Variants in MTURN observed in about 807,000 individuals in gnomAD.
The protein encoded by MTURN is maturin, neural progenitor differentiation regulator homolog, also known as maturin.
In MTURN, 7 loss-of-function variants were observed where a neutral mutation model predicts 14.9. The ratio of observed to expected loss-of-function variants is 0.47; its 90% CI spans 0.27 to 0.88. The LOEUF (loss-of-function observed/expected upper bound fraction) is 0.88, where lower values mean the gene tolerates loss of function less well. Ranked by LOEUF, MTURN falls within the 40% of genes least tolerant of loss-of-function variation. The pLI is 0.14. For synonymous variants in MTURN, 69 were observed against 72.5 expected (o/e 0.95, Z 0.25); for missense variants, 151 against 174.1 (o/e 0.87, Z 0.75).
At position 30,161,000 on chromosome 7, in the gene MTURN, G is replaced by A. The variant is rs1797366059; in HGVS notation, c.*3452G>A. 1 of 152,592 alleles carries A rather than the reference G, an allele frequency of 6.6e-6. No individual in the cohort carries two copies. Among genetic ancestry groups the A allele is most frequent in the South Asian group, 2.1e-4 (1 of 4,836 alleles). The allele number at this position is 152,592 out of a possible 1,614,324, so 9.5% of individuals were successfully genotyped here. ...ACGAAAACCTCTCTCCTTTATAGTT[G>A]CTGTCATCTTTCATGTATAAACAGA... On this transcript the variant is annotated 3_prime_UTR_variant, in exon 3 of 3. Transcript: ENST00000324453.
At chr7:30,156,300 A>G (rs1344076673) in intron 2 of MTURN, among the ~76,000 whole-genome samples, 1 of 148,940 alleles carries the variant, frequency 6.7e-6, no homozygotes, top group Admixed American at 6.7e-5. Flanking sequence ...TAATCTCACA[A>G]TCTTAAAAAA....
intron 2 of MTURN, among the ~76,000 whole-genome samples, chr7:30,156,276 GA>G (rs1177914134): frequency 7.9e-5 from 12 of 151,818 alleles, no homozygotes; most frequent in Non-Finnish European, 1.8e-4. Context: ...AGATAAAAAG[GA>G]AAAAATTACC....
intron 2 of MTURN, among the ~76,000 whole-genome samples, chr7:30,148,274 C>A (rs1325886684): frequency 6.6e-6 from 1 of 152,178 alleles, no homozygotes; most frequent in Admixed American, 6.5e-5. Context: ...GTAGAGAGAG[C>A]AGCAGGTATG....
intron 2 of MTURN, among the ~76,000 whole-genome samples, chr7:30,148,579 G>A (rs1261795764): frequency 1.3e-5 from 2 of 152,242 alleles, no homozygotes; most frequent in Admixed American, 1.3e-4. Flanking sequence ...TGGTGGCCTG[G>A]ACTGGGACGG....
intron 1 of MTURN, among the ~76,000 whole-genome samples, 183 bp downstream of exon 1, chr7:30,135,481 C>A (rs946932914): frequency 2.6e-5 from 4 of 151,274 alleles, no homozygotes; most frequent in African/African-American, 9.7e-5. Context: ...GCTCCGCTGC[C>A]CGGGTGGGGC....
chr7:30,144,381 G>A (rs577944923), intron 1 of MTURN, among the ~76,000 whole-genome samples: 1 of 152,326 alleles, frequency 6.6e-6, no homozygotes, highest in East Asian at 1.9e-4. Context: ...AACTTTTGTT[G>A]TTCTTCCAGA....
intron 1 of MTURN, among the ~76,000 whole-genome samples, chr7:30,136,620 G>A (rs374810286): frequency 6.6e-6 from 1 of 152,078 alleles, no homozygotes; most frequent in East Asian, 1.9e-4. Flanking sequence ...ATGTATGCCT[G>A]GCCGATAAAG....
chr7:30,162,299 A>T lies in MTURN; in HGVS notation c.*4751A>T, dbSNP rs1396376180. The T allele has an allele frequency of 6.6e-6, 1 of 152,154 alleles. No individual in the cohort carries two copies. Among genetic ancestry groups the T allele is most frequent in the African/African-American group, 2.4e-5 (1 of 41,434 alleles). The allele number at this position is 152,154 out of a possible 1,614,324, so 9.4% of individuals were successfully genotyped here. A position where few individuals can be genotyped will look rare whatever the true frequency, so the allele number is the denominator to read the frequency against. On this transcript the variant is annotated 3_prime_UTR_variant, in exon 3 of 3. Transcript: ENST00000324453. The stretch of plus-strand genomic sequence containing the variant: ...CATTTTTTACTAAGCCCCTTCTGAC[A>T]CCTAGGCAGATAAAGATAAGAGTAG...
chr7:30,137,513 T>A, intron 1 of MTURN: 1 of 432,172 alleles, frequency 2.3e-6, no homozygotes, highest in Non-Finnish European at 4.9e-6. Flanking sequence ...ATGAGAAAAA[T>A]GCTTGAAAGT....
At chr7:30,144,437 C>T (rs1024830521) in intron 1 of MTURN, among the ~76,000 whole-genome samples, 2 of 152,210 alleles carry the variant, frequency 1.3e-5, no homozygotes, top group African/African-American at 4.8e-5. Flanking sequence ...TATACAAGTA[C>T]TTTGTACCAT....
At chr7:30,149,162 C>T (rs140431720) in intron 2 of MTURN, among the ~76,000 whole-genome samples, 2,912 of 152,272 alleles carry the variant, frequency 0.019, 50 homozygotes, top group Non-Finnish European at 0.033. Context: ...GAAACAAATG[C>T]GGTCCAAAAG....
intron 1 of MTURN, among the ~76,000 whole-genome samples, chr7:30,136,709 G>C (rs765622897): frequency 4.6e-5 from 7 of 152,200 alleles, no homozygotes; most frequent in Non-Finnish European, 1.0e-4. Context: ...TCCAGAAGAG[G>C]GATGGCCTTG....
At chr7:30,147,620 T>C (rs2128032116) in intron 2 of MTURN, among the ~76,000 whole-genome samples, 1 of 132,508 alleles carries the variant, frequency 7.5e-6, no homozygotes, top group South Asian at 2.3e-4. Flanking sequence ...AAAGCAGCTT[T>C]TTATGTTTGG....
At chr7:30,142,313 CA>C (rs1583503995) in intron 1 of MTURN, among the ~76,000 whole-genome samples, 1 of 152,104 alleles carries the variant, frequency 6.6e-6, no homozygotes, top group East Asian at 1.9e-4. Flanking sequence ...AAGAGTAGAC[CA>C]CTCAGGCCAG....
At chr7:30,147,250 G>A (rs1203836218) in intron 2 of MTURN, among the ~76,000 whole-genome samples, 1 of 152,164 alleles carries the variant, frequency 6.6e-6, no homozygotes, top group Non-Finnish European at 1.5e-5. Flanking sequence ...GATTATCTTT[G>A]TGTGCTAGTT....
In MTURN at chr7:30,135,038, G is replaced by T. The variant is rs1299368053; in HGVS notation, c.-99G>T. Reference sequence around the variant, plus strand: ...GCCGGCCCAGCCCGGCCCCGGAGGAGCCCGCGCAGGCCGAGCCGAGCGCCG... The same window carrying T: ...GCCGGCCCAGCCCGGCCCCGGAGGATCCCGCGCAGGCCGAGCCGAGCGCCG... On this transcript the variant is annotated 5_prime_UTR_variant, in exon 1 of 3. Transcript: ENST00000324453. 9.5e-6 allele frequency: 10 copies of T among 1,050,152 alleles called. No individual in the cohort carries two copies. Among genetic ancestry groups the T allele is most frequent in the South Asian group, 4.4e-5 (1 of 22,706 alleles). The allele number at this position is 1,050,152 out of a possible 1,614,324, so 65.1% of individuals were successfully genotyped here.
intron 1 of MTURN, chr7:30,137,575 G>A (rs1418277229): frequency 6.4e-6 from 3 of 470,924 alleles, no homozygotes; most frequent in Admixed American, 4.7e-5. Flanking sequence ...AGAGGATGGG[G>A]GTGGGCAGAT....
rs1797319169 is a variant in MTURN, at chr7:30,158,362, G to GC, written c.*816dup. ...TACCTTCTCTCTTTCTAATGAGATGGCCGCTTGTTAAATCATGAAAACATC... is the reference window on the plus strand; with the variant it reads ...TACCTTCTCTCTTTCTAATGAGATGGCCCGCTTGTTAAATCATGAAAACATC... On this transcript the variant is annotated 3_prime_UTR_variant, in exon 3 of 3. Transcript: ENST00000324453. The GC allele has an allele frequency of 6.6e-6, 1 of 152,590 alleles. No homozygotes were observed. The highest frequency in any genetic ancestry group is 1.5e-5 in the Non-Finnish European group (1 of 68,030). 9.5% of individuals were successfully genotyped at this position (152,590 alleles called of 1,614,324 possible).
In MTURN at chr7:30,142,244, A is replaced by C. The variant is rs185101594; in HGVS notation, c.163-3933A>C. ...ATAAACTCTGGCCTGACTTCACAGG[A>C]AGAAGGGTCGCAGATGGCCTATACT... On this transcript the variant is annotated intron_variant, in intron 1 of 2. Transcript: ENST00000324453. Among the ~76,000 whole-genome samples the C allele has an allele frequency of 5.3e-5, 8 of 152,274 alleles. No individual in the cohort carries two copies. In the East Asian group the frequency reaches 1.5e-3, roughly 29 times the overall value.
Sources: allele counts gnomAD v4.1 joint callset (sites outside exome capture counted in the v4.1 genomes callset), GRCh38; gene constraint gnomAD v4.1.1; transcripts MANE v1.5; gene names NCBI Gene and HGNC (gene_info 2026-07-23, HGNC 2026-07-21).